The following SSU72 variants were observed in gnomAD, a reference collection of about 807,000 sequenced individuals.
SSU72 encodes RNA polymerase II subunit A C-terminal domain phosphatase SSU72.
A neutral mutation model predicts 22.7 loss-of-function variants in SSU72; 12 were observed. The observed-to-expected ratio is 0.53, with a 90% CI of 0.34 to 0.86. The LOEUF is 0.86. Among genes scored for constraint, SSU72 ranks in the 40% least tolerant of loss-of-function variants. The probability of loss-of-function intolerance (pLI) is 0.02; values close to 1 mark genes in which losing one functional copy is unlikely to be tolerated. For missense variants in SSU72, 151 were observed against 249.8 expected (o/e 0.60, Z 2.67); for synonymous variants, 116 against 98.3 (o/e 1.18, Z -1.06).
chr1:1,565,414 C>T (rs916977268), intron 1 of SSU72, among the ~76,000 whole-genome samples: 4 of 152,238 alleles, frequency 2.6e-5, no homozygotes, highest in African/African-American at 9.6e-5. Context: ...AAAGCCACAT[C>T]TGAACATCAT....
At chr1:1,570,931 C>T (rs900152678) in intron 1 of SSU72, among the ~76,000 whole-genome samples, 2 of 146,944 alleles carry the variant, frequency 1.4e-5, no homozygotes, top group Non-Finnish European at 3.0e-5. Context: ...CCAACACAGT[C>T]AAACCCCATC....
chr1:1,544,785 C>A, intron 3 of SSU72, 78 bp downstream of exon 3: 1 of 1,601,788 alleles, frequency 6.2e-7, no homozygotes, highest in South Asian at 1.1e-5. Context: ...CTGTACTGGT[C>A]ATGGTGGGGC....
intron 2 of SSU72, among the ~76,000 whole-genome samples, chr1:1,556,142 ACAAAGTTTGGC>A (rs994864378): frequency 2.0e-5 from 3 of 151,612 alleles, no homozygotes; most frequent in Admixed American, 2.0e-4. Context: ...CAAAAAATAC[ACAAAGTTTGGC>A]CAGGCACGGT....
intron 2 of SSU72, among the ~76,000 whole-genome samples, chr1:1,560,164 A>G (rs1165590481): frequency 6.6e-6 from 1 of 151,624 alleles, no homozygotes; most frequent in Admixed American, 6.6e-5. Context: ...ATGTATGTAT[A>G]CTATTAATTC....
At chr1:1,571,782 G>A (rs116210771) in intron 1 of SSU72, among the ~76,000 whole-genome samples, 1 of 132,638 alleles carries the variant, frequency 7.5e-6, no homozygotes. Flanking sequence ...TTATTAACAA[G>A]ATAGCTAAAT....
chr1:1,571,101 C>T (rs902409390), intron 1 of SSU72, among the ~76,000 whole-genome samples: 6 of 151,992 alleles, frequency 3.9e-5, no homozygotes, highest in African/African-American at 1.4e-4. Context: ...AAAAATTAGC[C>T]GGGCGTGGTA....
chr1:1,549,927 T>C (rs1378476685), intron 2 of SSU72, among the ~76,000 whole-genome samples: 1 of 148,880 alleles, frequency 6.7e-6, no homozygotes, highest in South Asian at 2.1e-4. Context: ...GAGCCGAGAT[T>C]GCGCCTCTAT....
At chr1:1,547,327 C>A (rs916301996) in intron 2 of SSU72, among the ~76,000 whole-genome samples, 2 of 152,218 alleles carry the variant, frequency 1.3e-5, no homozygotes, top group Non-Finnish European at 2.9e-5. Context: ...TAAGTCCTTT[C>A]CTCCTTTACG....
chr1:1,544,884 C>T lies in SSU72; in HGVS notation c.343G>A (p.Val115Met). Residue 115 changes from valine (V) to methionine (M), a missense_variant, in exon 3 of 5, where the codon GTG becomes ATG. Coordinates refer to ENST00000291386, the MANE Select transcript of SSU72 (RefSeq NM_014188.3). ...TCACCTTCCACCACCTGGTCATACACTCTCTCTTCGCAAGTGAGGATCAGA... is the reference window on the plus strand; with the variant it reads ...TCACCTTCCACCACCTGGTCATACATTCTCTCTTCGCAAGTGAGGATCAGA... ...FDLILTCEER[V>M]YDQVVEDLNS... 6.2e-7 allele frequency: 1 copy of T among 1,614,260 alleles called. No homozygotes were observed. Among genetic ancestry groups the T allele is most frequent in the Non-Finnish European group, 8.5e-7 (1 of 1,180,048 alleles).
chr1:1,565,059 G>T (rs1438621879), intron 1 of SSU72, 143 bp from the exon 2 acceptor site: 1 of 1,224,578 alleles, frequency 8.2e-7, no homozygotes, highest in Non-Finnish European at 1.1e-6. Context: ...TTTAATCTAG[G>T]CCGGGCATGG....
At chr1:1,548,548 C>CTT (rs1356606895) in intron 2 of SSU72, among the ~76,000 whole-genome samples, 1 of 137,822 alleles carries the variant, frequency 7.3e-6, no homozygotes, top group Non-Finnish European at 1.5e-5. Flanking sequence ...GAGCAAGACT[C>CTT]TGTCTCAAAA....
intron 2 of SSU72, among the ~76,000 whole-genome samples, chr1:1,559,613 C>G (rs1642561302): frequency 6.6e-6 from 1 of 152,112 alleles, no homozygotes; most frequent in African/African-American, 2.4e-5. Flanking sequence ...TGGCTGGAGT[C>G]CAACAGCACA....
chr1:1,564,082 G>C (rs190413819), intron 2 of SSU72: 1 of 158,138 alleles, frequency 6.3e-6, no homozygotes, highest in East Asian at 1.9e-4. Flanking sequence ...AACAAAATAA[G>C]ATCCAGAAAC....
intron 1 of SSU72, among the ~76,000 whole-genome samples, chr1:1,572,688 A>T (rs1642746045): frequency 6.6e-6 from 1 of 151,094 alleles, no homozygotes; most frequent in African/African-American, 2.4e-5. Context: ...CAATCTCCTG[A>T]CTTTGTGATC....
At chr1:1,556,407 G>A (rs368944415) in intron 2 of SSU72, among the ~76,000 whole-genome samples, 8 of 152,214 alleles carry the variant, frequency 5.3e-5, no homozygotes, top group African/African-American at 1.4e-4. Flanking sequence ...GGACGTGGTG[G>A]GGGGCGCCCG....
At position 1,543,956 on chromosome 1, in the gene SSU72, C is replaced by T. The variant is rs771299786; in HGVS notation, c.396G>A (p.Gln132=). Reference sequence around the variant, plus strand: ...TGTCCACATTGACCACGTGCACAGGCTGGCAGGTCTCCTGTTCTCTGGAAT... The same window carrying T: ...TGTCCACATTGACCACGTGCACAGGTTGGCAGGTCTCCTGTTCTCTGGAAT... The part of the protein sequence containing the change: ...DLNSREQETC[Q]PVHVVNVDIQ... Residue 132 remains glutamine, a synonymous_variant, in exon 4 of 5, where the codon CAG becomes CAA. Transcript: ENST00000291386. 1.2e-6 allele frequency: 2 copies of T among 1,613,798 alleles called. No homozygotes were observed. The highest frequency in any genetic ancestry group is 1.7e-6 in the Non-Finnish European group (2 of 1,179,942).
At position 1,542,916 on chromosome 1, in the gene SSU72, G is replaced by A. The variant is rs561070457; in HGVS notation, c.484-749C>T. On this transcript the variant is annotated intron_variant, in intron 4 of 4. Transcript: ENST00000291386. The surrounding 1 kb of genome is among the most constrained non-coding windows in gnomAD (Gnocchi z 4.4). The stretch of plus-strand genomic sequence containing the variant: ...CCATGCTGGGTGGGCCAGGCGGAGC[G>A]CAGGAGCCTCTGCGGCCACACAGCA... Among the ~76,000 whole-genome samples, 12 of 152,234 alleles carry A rather than the reference G, an allele frequency of 7.9e-5. No individual in the cohort carries two copies. The highest frequency in any genetic ancestry group is 2.1e-4 in the South Asian group (1 of 4,832).
intron 1 of SSU72, among the ~76,000 whole-genome samples, 167 bp from the exon 2 acceptor site, chr1:1,565,083 T>C (rs1436000829): frequency 1.3e-5 from 2 of 152,170 alleles, no homozygotes; most frequent in Admixed American, 6.5e-5. Context: ...CTCGCGCCTG[T>C]AATCCCAGCA....
At chr1:1,555,871 T>C (rs12048706) in intron 2 of SSU72, among the ~76,000 whole-genome samples, 65,577 of 151,948 alleles carry the variant, frequency 0.43, 17,559 homozygotes, top group East Asian at 0.78. Context: ...GGGTGGCTCA[T>C]GGCTGGAGTC....
Sources: allele counts gnomAD v4.1 joint callset (sites outside exome capture counted in the v4.1 genomes callset), GRCh38; gene constraint gnomAD v4.1.1; non-coding constraint Gnocchi (gnomAD v3.1); transcripts MANE v1.5; gene names NCBI Gene and HGNC (gene_info 2026-07-23, HGNC 2026-07-21).